The following CDK19 variants were observed in gnomAD, a reference collection of about 807,000 sequenced individuals.
CDK19 encodes cyclin dependent kinase 19.
A neutral mutation model predicts 68.3 loss-of-function variants in CDK19; 20 were observed. That is an observed-to-expected ratio of 0.29 (90% confidence interval 0.21 to 0.43). CDK19 has a LOEUF of 0.43. Ranked by LOEUF, CDK19 falls within the 20% of genes least tolerant of loss-of-function variation. The pLI, the probability that CDK19 is intolerant of heterozygous loss-of-function variation, is 1.00. For missense variants in CDK19, 339 were observed against 623.5 expected, an observed-to-expected ratio of 0.54 and a Z score of 4.86; for synonymous variants, 221 against 222.8, an observed-to-expected ratio of 0.99 and a Z score of 0.07.
chr6:110,654,016 C>G (rs922852303), intron 4 of CDK19, among the ~76,000 whole-genome samples: 5 of 152,118 alleles, frequency 3.3e-5, no homozygotes, highest in African/African-American at 1.2e-4. Flanking sequence ...AAAAGACAAA[C>G]ACAATTGTCT....
chr6:110,647,028 G>A (rs571166248), intron 4 of CDK19, among the ~76,000 whole-genome samples: 1 of 151,668 alleles, frequency 6.6e-6, no homozygotes, highest in East Asian at 1.9e-4. Context: ...AGGCCTTCGC[G>A]ATCTTGCTTC....
chr6:110,734,413 CA>C (rs1247816526), intron 2 of CDK19, among the ~76,000 whole-genome samples: 2 of 151,988 alleles, frequency 1.3e-5, no homozygotes, highest in Admixed American at 1.3e-4. Flanking sequence ...TGGAACACAA[CA>C]AAAATTTACA....
chr6:110,760,031 C>T (rs1343085552), intron 1 of CDK19, among the ~76,000 whole-genome samples: 1 of 152,148 alleles, frequency 6.6e-6, no homozygotes, highest in Non-Finnish European at 1.5e-5. Flanking sequence ...TCCAATACAA[C>T]ACATTTACAA....
intron 2 of CDK19, among the ~76,000 whole-genome samples, chr6:110,705,441 C>G (rs546518899): frequency 6.6e-6 from 1 of 152,248 alleles, no homozygotes; most frequent in East Asian, 1.9e-4. Context: ...GGAGAGAGTG[C>G]TCAACTGCAG....
intron 1 of CDK19, among the ~76,000 whole-genome samples, chr6:110,803,708 G>C (rs1244885784): frequency 6.6e-6 from 1 of 152,206 alleles, no homozygotes; most frequent in Non-Finnish European, 1.5e-5. Flanking sequence ...GCTTACACTT[G>C]TAATCCCAGC....
chr6:110,693,137 A>AGAACAGCGTGTGGAGAC (rs1773162048), intron 2 of CDK19, among the ~76,000 whole-genome samples: 1 of 152,250 alleles, frequency 6.6e-6, no homozygotes. Flanking sequence ...TTGGACAGAC[A>AGAACAGCGTGTGGAGAC]GAACAGCGTG....
chr6:110,683,487 T>C (rs1289538201), intron 2 of CDK19, among the ~76,000 whole-genome samples: 1 of 152,108 alleles, frequency 6.6e-6, no homozygotes, highest in Non-Finnish European at 1.5e-5. Context: ...AACACCCACT[T>C]AGTAGTTTCT....
intron 4 of CDK19, among the ~76,000 whole-genome samples, chr6:110,651,157 C>T (rs1248464614): frequency 6.6e-6 from 1 of 152,174 alleles, no homozygotes. Flanking sequence ...TCGGGTTTTA[C>T]ATGACTAGAA....
chr6:110,620,234 ATG>A (rs942851645), intron 12 of CDK19, among the ~76,000 whole-genome samples: 5 of 152,168 alleles, frequency 3.3e-5, no homozygotes, highest in African/African-American at 1.2e-4. Context: ...GCTATTTGTT[ATG>A]TCTTTCTTGT....
intron 4 of CDK19, among the ~76,000 whole-genome samples, chr6:110,647,052 C>T (rs1427479810): frequency 1.3e-5 from 2 of 151,960 alleles, no homozygotes; most frequent in South Asian, 2.1e-4. Flanking sequence ...CACCACGACC[C>T]GACACTATTT....
intron 2 of CDK19, among the ~76,000 whole-genome samples, chr6:110,715,986 A>C (rs1240072380): frequency 6.6e-6 from 1 of 152,164 alleles, no homozygotes; most frequent in African/African-American, 2.4e-5. Context: ...ATTTACTAAC[A>C]AAGCACGCAT....
chr6:110,743,357 T>C (rs1195955168), intron 2 of CDK19, among the ~76,000 whole-genome samples: 1 of 152,146 alleles, frequency 6.6e-6, no homozygotes, highest in African/African-American at 2.4e-5. Context: ...ATATGAAGGC[T>C]ATGGCTGAGA....
rs895311174 is a variant in CDK19 at position 110,635,580 on chromosome 6, C to A, written c.514+3069G>T. ...TCCCATATGGAGTCTTGCTCTGTCG[C>A]CCAGGCTGGAGTGCAGTGGCATGAT... On this transcript the variant is annotated intron_variant, in intron 5 of 12. Coordinates refer to ENST00000368911, the MANE Select transcript of CDK19 (RefSeq NM_015076.5). Among the ~76,000 whole-genome samples, 17 of 152,310 alleles carry A rather than the reference C, an allele frequency of 1.1e-4. No individual in the cohort carries two copies. The East Asian group carries it at 3.3e-3, about 29-fold the overall frequency.
chr6:110,814,653 G>C (rs187967488), intron 1 of CDK19: 1 of 498,482 alleles, frequency 2.0e-6, no homozygotes, highest in Non-Finnish European at 3.9e-6. Flanking sequence ...CTCCGCAGCG[G>C]AGCTCTGCCT....
chr6:110,798,767 A>G (rs918056549), intron 1 of CDK19, among the ~76,000 whole-genome samples: 1 of 152,132 alleles, frequency 6.6e-6, no homozygotes, highest in Non-Finnish European at 1.5e-5. Flanking sequence ...CCAAACTATC[A>G]ATCAAGTATG....
chr6:110,719,751 G>A (rs1775680218), intron 2 of CDK19, among the ~76,000 whole-genome samples: 1 of 152,008 alleles, frequency 6.6e-6, no homozygotes, highest in African/African-American at 2.4e-5. Context: ...TTTGTTTTGA[G>A]ACAGAGTCTC....
chr6:110,787,289 G>A (rs541109965), intron 1 of CDK19, among the ~76,000 whole-genome samples: 3 of 152,242 alleles, frequency 2.0e-5, no homozygotes, highest in South Asian at 2.1e-4. Context: ...CAGGAGAATC[G>A]TTTGAACCTG....
chr6:110,792,983 C>T (rs1781702948), intron 1 of CDK19, among the ~76,000 whole-genome samples: 1 of 152,072 alleles, frequency 6.6e-6, no homozygotes. Context: ...GATGGGGAAA[C>T]TGAGATACAG....
chr6:110,719,060 AAG>A lies in CDK19; in HGVS notation c.204+27064_204+27065del, dbSNP rs551380909. Among the ~76,000 whole-genome samples the A allele has an allele frequency of 4.5e-4, 69 of 152,332 alleles. 1 individual carries two copies. In the South Asian group the frequency reaches 0.014, roughly 32 times the overall value. Reference sequence around the variant, plus strand: ...ATGCAAGCGTAACTACTAAATTAGAAAGAGTATAAGTCATTTTCAAATCATTA... The same window carrying A: ...ATGCAAGCGTAACTACTAAATTAGAAAGTATAAGTCATTTTCAAATCATTA... On this transcript the variant is annotated intron_variant, in intron 2 of 12. Coordinates refer to ENST00000368911, the MANE Select transcript of CDK19 (RefSeq NM_015076.5).
Sources: allele counts gnomAD v4.1 joint callset (sites outside exome capture counted in the v4.1 genomes callset), GRCh38; gene constraint gnomAD v4.1.1; transcripts MANE v1.5; gene names NCBI Gene and HGNC (gene_info 2026-07-23, HGNC 2026-07-21).